NEIL3: variants seen among roughly 807,000 people sequenced by gnomAD.
NEIL3 encodes the protein nei like DNA glycosylase 3, also known as endonuclease 8-like 3.
Under a neutral mutation model 57.5 loss-of-function variants are expected in NEIL3, and 48 were observed. The ratio of observed to expected loss-of-function variants is 0.83; its 90% CI spans 0.66 to 1.06. NEIL3 has a LOEUF of 1.06. Among genes scored for constraint, NEIL3 ranks in the 50% least tolerant of loss-of-function variants. NEIL3 has a pLI of 0.00. For missense variants in NEIL3, 717 were observed against 739.1 expected (o/e 0.97, Z 0.35); for synonymous variants, 261 against 253.2 (o/e 1.03, Z -0.29).
intron 4 of NEIL3, among the ~76,000 whole-genome samples, chr4:177,338,790 C>G (rs1211405031): frequency 6.6e-6 from 1 of 151,970 alleles, no homozygotes; most frequent in African/African-American, 2.4e-5. Flanking sequence ...CGATAGTGAC[C>G]TTGGTGGTCA....
chr4:177,339,817 T>C lies in NEIL3; in HGVS notation c.662T>C (p.Leu221Pro), dbSNP rs749381674. ...TTAACAGATGAACAGATCCATCACC[T>C]CATGAAAATGATACGTGATTTCAGC... ...CQLTDEQIHH[L>P]MKMIRDFSIL... The change falls in exon 5 of 10, where the codon CTC becomes CCC. Residue 221 changes from leucine to proline, a missense_variant. Transcript: ENST00000264596. 5.0e-6 allele frequency: 8 copies of C among 1,613,678 alleles called. No individual in the cohort carries two copies. Among genetic ancestry groups the C allele is most frequent in the Non-Finnish European group, 6.8e-6 (8 of 1,179,772 alleles).
rs749391559 is a variant in NEIL3 at position 177,348,858 on chromosome 4, A to ATTTTTTTTTTTTTTTTTTTTTTTTTTT, written c.870-2521_870-2495dup. ...AGAATTGCAGATTGGTGGCTCATGA[A>ATTTTTTTTTTTTTTTTTTTTTTTTTTT]TTTTTTTTTTTTTTTTTTTTTTTTT... On this transcript the variant is annotated intron_variant, in intron 6 of 9. Coordinates refer to ENST00000264596, the MANE Select transcript of NEIL3 (RefSeq NM_018248.3). Among the ~76,000 whole-genome samples the ATTTTTTTTTTTTTTTTTTTTTTTTTTT allele has an allele frequency of 1.5e-4, 11 of 73,736 alleles. 3 individuals carry two copies. Among genetic ancestry groups the ATTTTTTTTTTTTTTTTTTTTTTTTTTT allele is most frequent in the African/African-American group, 4.8e-4 (8 of 16,566 alleles). 48.4% of individuals were successfully genotyped at this position (73,736 alleles called of 152,430 possible).
At position 177,355,874 on chromosome 4, in the gene NEIL3, A is replaced by T. The variant is rs531771077; in HGVS notation, c.1460+2146A>T. 2.6e-5 allele frequency among the ~76,000 whole-genome samples: 4 copies of T among 152,268 alleles called. No individual in the cohort carries two copies. The South Asian group carries it at 8.3e-4, about 32-fold the overall frequency. On this transcript the variant is annotated intron_variant, in intron 8 of 9. Transcript: ENST00000264596. ...TGATTTATCCTTGACTGGTTTTTTT[A>T]ATGTCTTGTTCATAATCATTTATGA...
At chr4:177,338,480 A>G (rs1735020915) in intron 4 of NEIL3, among the ~76,000 whole-genome samples, 1 of 152,180 alleles carries the variant, frequency 6.6e-6, no homozygotes, top group African/African-American at 2.4e-5. Flanking sequence ...TTCATGTTTG[A>G]TTGAAAAAAA....
intron 1 of NEIL3, among the ~76,000 whole-genome samples, chr4:177,321,499 T>C (rs957395011): frequency 1.2e-4 from 19 of 152,248 alleles, no homozygotes; most frequent in African/African-American, 3.6e-4. Flanking sequence ...TACATAATGC[T>C]CAGTTTAAGA....
Position 177,351,434 on chromosome 4 carries a change from T to C in NEIL3, c.924T>C (p.His308=), listed in dbSNP as rs768531383. The C allele has an allele frequency of 8.1e-6, 13 of 1,613,890 alleles. No homozygotes were observed. Among genetic ancestry groups the C allele is most frequent in the South Asian group, 5.5e-5 (5 of 91,074 alleles). ...GTTGGACATCTAGCAGGGTGGATCATGTTATGGACTCCGTGGCTCGGAAGT... is the reference window on the plus strand; with the variant it reads ...GTTGGACATCTAGCAGGGTGGATCACGTTATGGACTCCGTGGCTCGGAAGT... ...IISWTSSRVD[H]VMDSVARKSE... The change falls in exon 7 of 10, where the codon CAT becomes CAC. Residue 308 remains histidine, a synonymous_variant. Coordinates refer to ENST00000264596, the MANE Select transcript of NEIL3 (RefSeq NM_018248.3).
intron 4 of NEIL3, among the ~76,000 whole-genome samples, chr4:177,337,395 G>T (rs759982368): frequency 1.3e-5 from 2 of 151,888 alleles, no homozygotes; most frequent in Admixed American, 6.6e-5. Flanking sequence ...TTACTAGATA[G>T]TTTTAGTAAT....
intron 6 of NEIL3, among the ~76,000 whole-genome samples, chr4:177,349,672 T>C (rs142719320): frequency 6.6e-6 from 1 of 152,332 alleles, no homozygotes; most frequent in Non-Finnish European, 1.5e-5. Context: ...TTCATCCTAC[T>C]ACAAAACATT....
intron 6 of NEIL3, among the ~76,000 whole-genome samples, chr4:177,345,073 G>A (rs550731575): frequency 6.6e-6 from 1 of 152,216 alleles, no homozygotes; most frequent in South Asian, 2.1e-4. Context: ...GTGCTCAAGG[G>A]CTAATGTGGG....
At chr4:177,358,922 G>A (rs1735545035) in intron 8 of NEIL3, among the ~76,000 whole-genome samples, 1 of 152,132 alleles carries the variant, frequency 6.6e-6, no homozygotes, top group African/African-American at 2.4e-5. Context: ...CATTAATTTT[G>A]TTAATATTCT....
At chr4:177,360,398 T>C in intron 8 of NEIL3, 105 bp from the exon 9 acceptor site, 1 of 725,046 alleles carries the variant, frequency 1.4e-6, no homozygotes, top group Non-Finnish European at 2.1e-6. Context: ...CACTTTTTGA[T>C]AGAATTTCTT....
intron 1 of NEIL3, among the ~76,000 whole-genome samples, chr4:177,311,490 A>G (rs1334994574): frequency 6.6e-6 from 1 of 151,900 alleles, no homozygotes; most frequent in South Asian, 2.1e-4. Flanking sequence ...AGCCTGACCA[A>G]TATGGAGAAA....
intron 8 of NEIL3, 74 bp downstream of exon 8, chr4:177,353,802 G>A: frequency 7.7e-7 from 1 of 1,290,778 alleles, no homozygotes; most frequent in Non-Finnish European, 1.1e-6. Context: ...GTCTCACTCT[G>A]TCACCTAGGC....
Position 177,322,598 on chromosome 4 carries a change from G to T in NEIL3, c.278+18G>T, listed in dbSNP as rs376987329. Reference sequence around the variant, plus strand: ...GCTTTACGGTAAGATAAGCCTGTACGATACATCTTATCTCTCTATATTTAA... The same window carrying T: ...GCTTTACGGTAAGATAAGCCTGTACTATACATCTTATCTCTCTATATTTAA... On this transcript the variant is annotated intron_variant, in intron 2 of 9. Transcript: ENST00000264596. 301 of 1,613,300 alleles carry T rather than the reference G, an allele frequency of 1.9e-4. No individual in the cohort carries two copies. The highest frequency in any genetic ancestry group is 2.3e-4 in the Non-Finnish European group (269 of 1,179,554).
downstream of NEIL3, among the ~76,000 whole-genome samples, chr4:177,364,610 A>T (rs1270529686): frequency 6.6e-6 from 1 of 152,116 alleles, no homozygotes; most frequent in Non-Finnish European, 1.5e-5. Flanking sequence ...CATGGGACAA[A>T]CTGAACACGG....
Position 177,335,699 on chromosome 4 carries a change from G to C in NEIL3, c.290G>C (p.Gly97Ala). 6.2e-7 allele frequency: 1 copy of C among 1,608,506 alleles called. No homozygotes were observed. Among genetic ancestry groups the C allele is most frequent in the South Asian group, 1.1e-5 (1 of 89,904 alleles). Residue 97 changes from glycine (G) to alanine (A), a missense_variant, in exon 3 of 10, where the codon GGA becomes GCA. Gly to Ala is a moderately conservative substitution (Grantham distance 60). Coordinates refer to ENST00000264596, the MANE Select transcript of NEIL3 (RefSeq NM_018248.3). Reference protein sequence around the residue: ...FGPKALRIHFGMKGFIMINPL... With the variant: ...FGPKALRIHFAMKGFIMINPL... Reference sequence around the variant, plus strand: ...TGATTTTGTTTCAGGATTCATTTCGGAATGAAAGGCTTCATCATGATTAAT... The same window carrying C: ...TGATTTTGTTTCAGGATTCATTTCGCAATGAAAGGCTTCATCATGATTAAT...
At chr4:177,364,554 A>G (rs556740003), downstream of NEIL3, among the ~76,000 whole-genome samples, 5 of 152,336 alleles carry the variant, frequency 3.3e-5, no homozygotes, top group South Asian at 1.0e-3. Context: ...GGAGCCCCAC[A>G]TTCTGTGAAA....
chr4:177,369,732 A>T, the NEIL3 span, among the ~76,000 whole-genome samples: 1 of 152,064 alleles, frequency 6.6e-6, no homozygotes, highest in African/African-American at 2.4e-5. Flanking sequence ...TGACCATACG[A>T]CCTCGATCTC....
intron 2 of NEIL3, among the ~76,000 whole-genome samples, chr4:177,333,345 A>C (rs1180918440): frequency 6.6e-6 from 1 of 152,180 alleles, no homozygotes; most frequent in Non-Finnish European, 1.5e-5. Context: ...TAGTTTCTTT[A>C]GGAAGATATT....
Sources: allele counts gnomAD v4.1 joint callset (sites outside exome capture counted in the v4.1 genomes callset), GRCh38; gene constraint gnomAD v4.1.1; transcripts MANE v1.5; gene names NCBI Gene and HGNC (gene_info 2026-07-23, HGNC 2026-07-21).